The following SPTBN5 variants were observed in gnomAD, a reference collection of about 807,000 sequenced individuals.
The protein encoded by SPTBN5 is spectrin beta chain, non-erythrocytic 5.
A neutral mutation model predicts 477.6 loss-of-function variants in SPTBN5; 513 were observed. That is an observed-to-expected ratio of 1.07 (90% CI 1.00 to 1.16). SPTBN5 has a LOEUF of 1.16. Among genes scored for constraint, SPTBN5 ranks in the 50% most tolerant of loss-of-function variants. The pLI, the probability that SPTBN5 is intolerant of heterozygous loss-of-function variation, is 0.00. For synonymous variants in SPTBN5, 2,169 were observed against 2,011.7 expected, an observed-to-expected ratio of 1.08 and a Z score of -2.09; for missense variants, 5,062 against 4,731.8, an observed-to-expected ratio of 1.07 and a Z score of -2.05.
At position 41,871,782 on chromosome 15, in the gene SPTBN5, C is replaced by T; in HGVS notation, c.5301G>A (p.Leu1767=). Residue 1767 remains leucine, a splice_region_variant and synonymous_variant, in exon 28 of 68, where the codon CTG becomes CTA. Coordinates refer to ENST00000320955, the MANE Select transcript of SPTBN5 (RefSeq NM_016642.4). ...ESLGEDPEHA[L]HLCTKFAKFQ... ...TCCTTGACCCTGGCCCTCTTCTCACCAGGGCGTGCTCGGGGTCCTCTCCCA... is the reference window on the plus strand; with the variant it reads ...TCCTTGACCCTGGCCCTCTTCTCACTAGGGCGTGCTCGGGGTCCTCTCCCA... 6.3e-7 allele frequency: 1 copy of T among 1,582,058 alleles called. No homozygotes were observed.
Position 41,893,312 on chromosome 15 carries a change from C to T in SPTBN5, c.186G>A (p.Lys62=), listed in dbSNP as rs758399060. 1.2e-6 allele frequency: 2 copies of T among 1,614,032 alleles called. No individual in the cohort carries two copies. The highest frequency in any genetic ancestry group is 4.5e-5 in the East Asian group (2 of 44,880). ...CGCACTGGAAGACGTTATTGATCCA[C>T]TTGGTGAAAGTCTTCTCCTGCATCT... The part of the protein sequence containing the change: ...HMQMQEKTFT[K]WINNVFQCGQ... Residue 62 remains lysine (K), a synonymous_variant, in exon 2 of 68, where the codon AAG becomes AAA. Transcript: ENST00000320955.
intron 16 of SPTBN5, 55 bp downstream of exon 16, chr15:41,879,205 C>T: frequency 1.3e-6 from 2 of 1,563,130 alleles, no homozygotes; most frequent in Non-Finnish European, 8.7e-7. Flanking sequence ...CTGCCCTGCC[C>T]ACGCCTTCCC....
At chr15:41,870,112 G>A (rs147935929) in intron 31 of SPTBN5, 92 bp from the exon 32 acceptor site, 2 of 1,448,798 alleles carry the variant, frequency 1.4e-6, no homozygotes, top group Non-Finnish European at 1.8e-6. Context: ...TGGCCCCCTT[G>A]GGCCACGTCC....
At chr15:41,850,295 G>T (rs1437265280) in intron 66 of SPTBN5, 1 of 336,606 alleles carries the variant, frequency 3.0e-6, no homozygotes, top group Admixed American at 4.1e-5. Flanking sequence ...GGGAACCAGC[G>T]ACAGAGCTAG....
rs1567178981 is a variant in SPTBN5, at chr15:41,851,100, C to CCTCTCA, written c.10788_10793dup (p.Glu3597_Arg3598insSerGlu). ...GTTTCCTGCCGTGGCGGCCCCGCAG[C>CCTCTCA]CTCTCACACCGGGCTCCCGTGAGGT... is the stretch of plus-strand genomic sequence containing the variant. On this transcript the variant is annotated inframe_insertion, in exon 65 of 68. Coordinates refer to ENST00000320955, the MANE Select transcript of SPTBN5 (RefSeq NM_016642.4). The CCTCTCA allele has an allele frequency of 6.2e-7, 1 of 1,613,228 alleles. No homozygotes were observed. Among genetic ancestry groups the CCTCTCA allele is most frequent in the Admixed American group, 1.7e-5 (1 of 59,988 alleles).
At chr15:41,851,233 C>T in intron 64 of SPTBN5, 50 bp downstream of exon 64, 5 of 1,559,668 alleles carry the variant, frequency 3.2e-6, no homozygotes, top group Non-Finnish European at 4.3e-6. Context: ...GCCCCTCTGC[C>T]TTGCTTCCCA....
At chr15:41,875,934 G>A (rs886323938) in intron 21 of SPTBN5, among the ~76,000 whole-genome samples, 180 bp downstream of exon 21, 3 of 152,206 alleles carry the variant, frequency 2.0e-5, no homozygotes, top group Admixed American at 2.0e-4. Flanking sequence ...CAGCAGCTTT[G>A]GGACTGGTTT....
In SPTBN5 at chr15:41,861,400, A is replaced by G; in HGVS notation, c.7815+19T>C. On this transcript the variant is annotated intron_variant, in intron 46 of 67. Transcript: ENST00000320955. The stretch of plus-strand genomic sequence containing the variant: ...CTCTGGTAATTCCCCCCTCCTGCCC[A>G]TTCCTGCTGGGCACCTACCCATAGA... 6.2e-7 allele frequency: 1 copy of G among 1,608,710 alleles called. No individual in the cohort carries two copies. Among genetic ancestry groups the G allele is most frequent in the Non-Finnish European group, 8.5e-7 (1 of 1,175,672 alleles).
intron 53 of SPTBN5, 86 bp from the exon 54 acceptor site, chr15:41,855,831 CA>C: frequency 7.3e-7 from 1 of 1,365,126 alleles, no homozygotes; most frequent in Non-Finnish European, 9.8e-7. Flanking sequence ...CCTGGCTGCA[CA>C]GGGGAATCAC....
intron 39 of SPTBN5, among the ~76,000 whole-genome samples, chr15:41,864,416 C>T (rs1308998155): frequency 2.6e-5 from 4 of 152,166 alleles, no homozygotes; most frequent in East Asian, 1.9e-4. Context: ...CTGGTTCAAG[C>T]GATTCTCCTA....
At chr15:41,852,768 T>TC in intron 60 of SPTBN5, 33 bp from the exon 61 acceptor site, 1 of 1,445,926 alleles carries the variant, frequency 6.9e-7, no homozygotes, top group Non-Finnish European at 9.5e-7. Flanking sequence ...GACGCCCAGC[T>TC]TGGGGGGGGG....
At chr15:41,860,303 A>C (rs1314394934) in intron 47 of SPTBN5, among the ~76,000 whole-genome samples, 5 of 152,228 alleles carry the variant, frequency 3.3e-5, no homozygotes, top group African/African-American at 1.2e-4. Context: ...GTTTCGTGAG[A>C]TGATTTCCTC....
chr15:41,885,662 T>A, intron 7 of SPTBN5, 73 bp downstream of exon 7: 1 of 1,483,982 alleles, frequency 6.7e-7, no homozygotes, highest in South Asian at 1.3e-5. Context: ...AATGGGCACA[T>A]GACATGGAAG....
At position 41,875,107 on chromosome 15, in the gene SPTBN5, A is replaced by G. The variant is rs534659794; in HGVS notation, c.4288-51T>C. The G allele has an allele frequency of 4.1e-5, 63 of 1,524,286 alleles. 1 individual carries two copies. The South Asian group carries it at 7.2e-4, about 17-fold the overall frequency. 94.4% of individuals were successfully genotyped at this position (1,524,286 alleles called of 1,614,324 possible). A position where few individuals can be genotyped will look rare whatever the true frequency, so the allele number is the denominator to read the frequency against. ...TAGGTTCTCTGTGTACAGCACAGCA[A>G]GTGGCCTTCCCGGGCTCTGGGACTG... On this transcript the variant is annotated intron_variant, in intron 22 of 67. Coordinates refer to ENST00000320955, the MANE Select transcript of SPTBN5 (RefSeq NM_016642.4).
chr15:41,849,721 G>A (rs1390762785), intron 67 of SPTBN5, 148 bp downstream of exon 67: 7 of 644,288 alleles, frequency 1.1e-5, no homozygotes, highest in African/African-American at 1.8e-5. Flanking sequence ...CTGAGAGTGG[G>A]CAGGGGCAGC....
In SPTBN5 at chr15:41,882,352, C is replaced by A. The variant is rs571849345; in HGVS notation, c.2164G>T (p.Ala722Ser). 6.5e-7 allele frequency: 1 copy of A among 1,535,516 alleles called. No homozygotes were observed. The highest frequency in any genetic ancestry group is 8.7e-7 in the Non-Finnish European group (1 of 1,146,468). Residue 722 changes from alanine to serine, a missense_variant, in exon 11 of 68, where the codon GCC becomes TCC. By Grantham distance (99) the Ala-to-Ser change is moderately conservative. Transcript: ENST00000320955. ...AGCAGCTGCCACCCTCCCTGAACGG[C>A]CTCTGCCCGTTCCCCGGGATCCGGC... Reference protein sequence around the residue: ...TQPDPGERAEAVQGGWQLLQT... With the variant: ...TQPDPGERAESVQGGWQLLQT...
rs2066007144 is a variant in SPTBN5 at position 41,858,895 on chromosome 15, G to A, written c.8074C>T (p.Gln2692Ter). ...CCTCTCCAAGCGAGGCGAACCTCCT[G>A]GGAGTCCTGCAGGAAGGCCTGCAGC... The part of the protein sequence containing the change: ...RQLQAFLQDS[Q>*]EVAAWLREKN... Residue 2692 changes from glutamine to a stop codon, truncating the protein, a stop_gained, in exon 48 of 68, where the codon CAG becomes TAG. Coordinates refer to ENST00000320955, the MANE Select transcript of SPTBN5 (RefSeq NM_016642.4). LOFTEE classifies it high-confidence loss of function. 1.9e-6 allele frequency: 3 copies of A among 1,588,372 alleles called. No individual in the cohort carries two copies. The highest frequency in any genetic ancestry group is 2.6e-6 in the Non-Finnish European group (3 of 1,164,984).
rs758624879 is a variant in SPTBN5, at chr15:41,869,821, C to T, written c.5853+20G>A. The T allele has an allele frequency of 9.6e-5, 147 of 1,537,010 alleles. 1 individual carries two copies. In the South Asian group the frequency reaches 1.6e-3, roughly 17 times the overall value. ...CACACACATGCACACACACACCACCCAAAGGGCAGGAGCCCTCACCGCCGT... is the reference window on the plus strand; with the variant it reads ...CACACACATGCACACACACACCACCTAAAGGGCAGGAGCCCTCACCGCCGT... On this transcript the variant is annotated intron_variant, in intron 32 of 67. Coordinates refer to ENST00000320955, the MANE Select transcript of SPTBN5 (RefSeq NM_016642.4).
Position 41,877,339 on chromosome 15 carries a change from G to A in SPTBN5, c.3488C>T (p.Ala1163Val). ...LWQERLQQLDAQSQPMAALDC... is the reference protein window; with the variant it reads ...LWQERLQQLDVQSQPMAALDC... The stretch of plus-strand genomic sequence containing the variant: ...CAAGGCTGCCATGGGCTGGCTCTGA[G>A]CGTCCAGCTGCTGCAGCCTGACCAG... Residue 1163 changes from alanine to valine, a missense_variant, in exon 18 of 68, where the codon GCT becomes GTT. Transcript: ENST00000320955. 4 of 1,608,226 alleles carry A rather than the reference G, an allele frequency of 2.5e-6. No homozygotes were observed. Among genetic ancestry groups the A allele is most frequent in the Non-Finnish European group, 3.4e-6 (4 of 1,177,214 alleles).
Sources: gnomAD v4.1 joint callset for allele counts (sites outside exome capture counted in the v4.1 genomes callset) on GRCh38, gnomAD v4.1.1 for gene constraint, MANE v1.5 for transcripts, NCBI Gene and HGNC (gene_info 2026-07-23, HGNC 2026-07-21) for gene names.